Variants in EMCN observed in about 807,000 individuals in gnomAD.
EMCN encodes the protein MUC-14.
Under a neutral mutation model 38.4 loss-of-function variants are expected in EMCN, and 37 were observed. That is an observed-to-expected ratio of 0.96 (90% CI 0.74 to 1.27). The LOEUF (loss-of-function observed/expected upper bound fraction) is 1.27, where lower values mean the gene tolerates loss of function less well. Ranked by LOEUF, EMCN falls within the 50% of genes most tolerant of loss-of-function variation. The pLI is 0.00. For missense variants in EMCN, 318 were observed against 302.8 expected (o/e 1.05, Z -0.37); for synonymous variants, 95 against 100.8 (o/e 0.94, Z 0.35).
chr4:100,398,980 C>T (rs1040333725), intron 11 of EMCN, among the ~76,000 whole-genome samples: 1 of 152,138 alleles, frequency 6.6e-6, no homozygotes, highest in African/African-American at 2.4e-5. Context: ...TGATGGGATA[C>T]AGTTCAAGAT....
chr4:100,516,652 G>A (rs1188036295), intron 1 of EMCN, among the ~76,000 whole-genome samples: 1 of 152,102 alleles, frequency 6.6e-6, no homozygotes, highest in Non-Finnish European at 1.5e-5. Flanking sequence ...CAAGATGCAT[G>A]ATGAGCAAAT....
chr4:100,464,319 A>G (rs1434007877), intron 4 of EMCN, among the ~76,000 whole-genome samples: 2 of 151,936 alleles, frequency 1.3e-5, no homozygotes, highest in African/African-American at 2.4e-5. Flanking sequence ...CTACGTAGAT[A>G]ATTATGTAGT....
At position 100,451,227 on chromosome 4, in the gene EMCN, T is replaced by TAAG. The variant is rs577699727; in HGVS notation, c.377-3659_377-3657dup. 4.8e-3 allele frequency among the ~76,000 whole-genome samples: 732 copies of TAAG among 151,950 alleles called. 8 individuals carry two copies. Among genetic ancestry groups the TAAG allele is most frequent in the African/African-American group, 0.017 (698 of 41,544 alleles). ...TTTATTTTTCAAACAAATTTAAAAA[T>TAAG]AAGTGCATCGATTTAAAGAAAAACA... On this transcript the variant is annotated intron_variant, in intron 4 of 11. Transcript: ENST00000296420.
At chr4:100,501,399 C>T (rs889797625) in intron 1 of EMCN, among the ~76,000 whole-genome samples, 10 of 152,132 alleles carry the variant, frequency 6.6e-5, no homozygotes, top group African/African-American at 1.2e-4. Context: ...CTTTTCTATT[C>T]ATCTATGTGG....
intron 4 of EMCN, among the ~76,000 whole-genome samples, chr4:100,454,728 T>C (rs983539596): frequency 6.6e-6 from 1 of 152,142 alleles, no homozygotes; most frequent in Non-Finnish European, 1.5e-5. Flanking sequence ...AAAGTATAGA[T>C]CTTTCTATAA....
chr4:100,445,984 T>G (rs1176789031), intron 5 of EMCN: 1 of 817,918 alleles, frequency 1.2e-6, no homozygotes, highest in Non-Finnish European at 1.5e-6. Context: ...GAGCTTTTGT[T>G]CCACAAAAAT....
At chr4:100,411,971 A>G (rs1163889990) in intron 10 of EMCN, among the ~76,000 whole-genome samples, 1 of 152,100 alleles carries the variant, frequency 6.6e-6, no homozygotes, top group East Asian at 1.9e-4. Context: ...TTGTTAATGA[A>G]CTTTTACTTG....
Position 100,480,754 on chromosome 4 carries a change from G to A in EMCN, c.65-715C>T, listed in dbSNP as rs565160832. 6.6e-5 allele frequency among the ~76,000 whole-genome samples: 10 copies of A among 151,802 alleles called. No homozygotes were observed. The East Asian group carries it at 1.5e-3, about 24-fold the overall frequency. On this transcript the variant is annotated intron_variant, in intron 1 of 11. Coordinates refer to ENST00000296420, the MANE Select transcript of EMCN (RefSeq NM_016242.4). Reference sequence around the variant, plus strand: ...GGGCAGGCAAAGGCACAGAAATGAAGGCAATACATTTTGATCCATATTATA... The same window carrying A: ...GGGCAGGCAAAGGCACAGAAATGAAAGCAATACATTTTGATCCATATTATA...
intron 5 of EMCN, among the ~76,000 whole-genome samples, chr4:100,429,146 C>A (rs1297885723): frequency 2.6e-5 from 4 of 152,022 alleles, no homozygotes; most frequent in Non-Finnish European, 5.9e-5. Flanking sequence ...TAAACATAAT[C>A]GTTGGTGTTG....
intron 4 of EMCN, among the ~76,000 whole-genome samples, chr4:100,457,482 A>G (rs1210597988): frequency 6.6e-6 from 1 of 152,114 alleles, no homozygotes; most frequent in Non-Finnish European, 1.5e-5. Context: ...TTAAAAATTT[A>G]TAGTTTATTG....
At chr4:100,457,743 T>TA (rs1251480454) in intron 4 of EMCN, among the ~76,000 whole-genome samples, 1 of 152,208 alleles carries the variant, frequency 6.6e-6, no homozygotes, top group Non-Finnish European at 1.5e-5. Flanking sequence ...TCATTAAGAA[T>TA]ATCAGTCTGC....
intron 1 of EMCN, among the ~76,000 whole-genome samples, chr4:100,510,548 T>A (rs1729599726): frequency 6.6e-6 from 1 of 152,166 alleles, no homozygotes; most frequent in Non-Finnish European, 1.5e-5. Context: ...TCAGCAAAAC[T>A]TTATATAACA....
intron 1 of EMCN, among the ~76,000 whole-genome samples, chr4:100,516,755 T>C (rs1207048011): frequency 6.6e-6 from 1 of 152,092 alleles, no homozygotes; most frequent in Admixed American, 6.6e-5. Context: ...GGGAGGGATG[T>C]ACTTATTTTC....
chr4:100,421,788 T>C (rs542038588), intron 7 of EMCN, among the ~76,000 whole-genome samples: 1 of 152,200 alleles, frequency 6.6e-6, no homozygotes, highest in Admixed American at 6.6e-5. Context: ...GTCCTAATGC[T>C]GGCTTTCTAA....
intron 1 of EMCN, among the ~76,000 whole-genome samples, chr4:100,488,213 A>G (rs1230567382): frequency 3.3e-5 from 5 of 152,226 alleles, no homozygotes; most frequent in Non-Finnish European, 5.9e-5. Flanking sequence ...TACAATGTAA[A>G]TATCCATCAT....
In EMCN at chr4:100,505,343, AC is replaced by A. The variant is rs1194735866; in HGVS notation, c.64+12507del. 2.0e-5 allele frequency among the ~76,000 whole-genome samples: 3 copies of A among 152,168 alleles called. No homozygotes were observed. In the East Asian group the frequency reaches 5.8e-4, roughly 29 times the overall value. On this transcript the variant is annotated intron_variant, in intron 1 of 11. Transcript: ENST00000296420. ...AAACTCACTGACCCTGTGGGGCTGGACCCTACAAAGCCTGCACTGCTTGATG... is the reference window on the plus strand; with the variant it reads ...AAACTCACTGACCCTGTGGGGCTGGACCTACAAAGCCTGCACTGCTTGATG...
intron 5 of EMCN, among the ~76,000 whole-genome samples, chr4:100,423,864 G>A (rs1270444391): frequency 1.3e-5 from 2 of 152,184 alleles, no homozygotes; most frequent in East Asian, 1.9e-4. Flanking sequence ...AAAAATTGCA[G>A]TTGAGGCTTT....
At chr4:100,486,398 C>G (rs1728942761) in intron 1 of EMCN, among the ~76,000 whole-genome samples, 1 of 152,102 alleles carries the variant, frequency 6.6e-6, no homozygotes, top group East Asian at 1.9e-4. Flanking sequence ...AGGGAAATCC[C>G]ATTTACAATG....
intron 9 of EMCN, among the ~76,000 whole-genome samples, chr4:100,416,778 G>A (rs929491630): frequency 6.6e-6 from 1 of 152,158 alleles, no homozygotes; most frequent in Non-Finnish European, 1.5e-5. Context: ...GCTCAAGGTA[G>A]AAGCACAAAT....
Sources: gnomAD v4.1 joint callset for allele counts (sites outside exome capture counted in the v4.1 genomes callset) on GRCh38, gnomAD v4.1.1 for gene constraint, MANE v1.5 for transcripts, NCBI Gene and HGNC (gene_info 2026-07-23, HGNC 2026-07-21) for gene names.